ZFHX4: variants seen among roughly 807,000 people sequenced by gnomAD.
The protein encoded by ZFHX4 is zinc finger homeobox 4, also known as zinc finger homeobox protein 4.
Under a neutral mutation model 267.6 loss-of-function variants are expected in ZFHX4, and 56 were observed. The ratio of observed to expected loss-of-function variants is 0.21; its 90% CI spans 0.17 to 0.26. The LOEUF (loss-of-function observed/expected upper bound fraction) is 0.26, where lower values mean the gene tolerates loss of function less well. Ranked by LOEUF, ZFHX4 falls within the 10% of genes least tolerant of loss-of-function variation. ZFHX4 has a pLI of 1.00. For missense variants in ZFHX4, 4,332 were observed against 4,420.0 expected (o/e 0.98, Z 0.56); for synonymous variants, 1,778 against 1,665.6 (o/e 1.07, Z -1.64).
chr8:76,800,908 G>A (rs969771612), intron 4 of ZFHX4, among the ~76,000 whole-genome samples: 2 of 152,118 alleles, frequency 1.3e-5, no homozygotes, highest in African/African-American at 4.8e-5. Flanking sequence ...TCGGCCTCTC[G>A]AGCCTTCTAA....
intron 4 of ZFHX4, among the ~76,000 whole-genome samples, chr8:76,799,912 C>T (rs1284477796): frequency 3.3e-5 from 5 of 152,122 alleles, no homozygotes; most frequent in African/African-American, 4.8e-5. Context: ...CTGCAAAAAA[C>T]GAAATTCCGA....
chr8:76,713,876 A>G (rs1431362094), intron 3 of ZFHX4, among the ~76,000 whole-genome samples: 1 of 151,506 alleles, frequency 6.6e-6, no homozygotes, highest in Non-Finnish European at 1.5e-5. Flanking sequence ...AGCTTTCTTC[A>G]TTTACTCCTG....
intron 4 of ZFHX4, among the ~76,000 whole-genome samples, chr8:76,800,094 C>T (rs2131824616): frequency 6.6e-6 from 1 of 151,752 alleles, no homozygotes; most frequent in Non-Finnish European, 1.5e-5. Context: ...TGGGGAGGGT[C>T]CTAGCAGGAG....
chr8:76,700,031 CA>C (rs1808061834), intron 1 of ZFHX4, among the ~76,000 whole-genome samples: 1 of 151,944 alleles, frequency 6.6e-6, no homozygotes, highest in Non-Finnish European at 1.5e-5. Flanking sequence ...CTCACTATGA[CA>C]TATTGATAGA....
intron 6 of ZFHX4, among the ~76,000 whole-genome samples, chr8:76,846,793 A>G (rs186667923): frequency 1.3e-5 from 2 of 152,238 alleles, no homozygotes; most frequent in Admixed American, 6.5e-5. Flanking sequence ...GTCCATAGCT[A>G]TACATTTAAT....
chr8:76,693,818 G>T (rs978798496), intron 1 of ZFHX4, among the ~76,000 whole-genome samples: 1 of 152,154 alleles, frequency 6.6e-6, no homozygotes, highest in South Asian at 2.1e-4. Context: ...ATTATGGCTT[G>T]CCAGAAGTTG....
intron 3 of ZFHX4, among the ~76,000 whole-genome samples, chr8:76,771,491 T>G (rs889791344): frequency 6.6e-6 from 1 of 152,140 alleles, no homozygotes; most frequent in Non-Finnish European, 1.5e-5. Flanking sequence ...CAGGCTAGAG[T>G]GCAGTGGCAT....
chr8:76,848,569 C>A (rs951464776), intron 6 of ZFHX4, among the ~76,000 whole-genome samples: 2 of 152,040 alleles, frequency 1.3e-5, no homozygotes, highest in Non-Finnish European at 2.9e-5. Context: ...AACCAGTCAG[C>A]CCTTCTCAGA....
Position 76,865,156 on chromosome 8 carries a change from G to A in ZFHX4, c.*591G>A, listed in dbSNP as rs1487900460. 1.3e-5 allele frequency: 2 copies of A among 152,680 alleles called. No individual in the cohort carries two copies. The highest frequency in any genetic ancestry group is 2.4e-5 in the African/African-American group (1 of 41,428). 9.5% of individuals were successfully genotyped at this position (152,680 alleles called of 1,614,324 possible). A position where few individuals can be genotyped will look rare whatever the true frequency, so the allele number is the denominator to read the frequency against. On this transcript the variant is annotated 3_prime_UTR_variant, in exon 11 of 11. Transcript: ENST00000651372. ...CACAGATCCTTGAGCTCACGCTGCA[G>A]GATAGTACAGTTTTACCGCAGAGGG...
At chr8:76,822,867 T>G (rs1450460211) in intron 4 of ZFHX4, among the ~76,000 whole-genome samples, 1 of 152,186 alleles carries the variant, frequency 6.6e-6, no homozygotes, top group African/African-American at 2.4e-5. Flanking sequence ...AAGTGTCATT[T>G]ACTCACAAGT....
At chr8:76,681,844 T>G (rs1585841679) in intron 1 of ZFHX4, among the ~76,000 whole-genome samples, 1 of 152,218 alleles carries the variant, frequency 6.6e-6, no homozygotes, top group East Asian at 1.9e-4. Context: ...TTCTATCTCT[T>G]TCCCCTTTTT....
At chr8:76,683,570 T>C (rs1310330195) in intron 1 of ZFHX4, among the ~76,000 whole-genome samples, 1 of 151,020 alleles carries the variant, frequency 6.6e-6, no homozygotes, top group Non-Finnish European at 1.5e-5. Flanking sequence ...TTTTATTAAC[T>C]CTGTTCCATG....
At chr8:76,840,280 C>T (rs1053922425) in intron 5 of ZFHX4, among the ~76,000 whole-genome samples, 3 of 152,226 alleles carry the variant, frequency 2.0e-5, no homozygotes, top group Admixed American at 2.0e-4. Context: ...AGGAGCCAGG[C>T]AGTTATGGCC....
chr8:76,760,447 A>G (rs1317392823), intron 3 of ZFHX4, among the ~76,000 whole-genome samples: 1 of 152,192 alleles, frequency 6.6e-6, no homozygotes, highest in Non-Finnish European at 1.5e-5. Flanking sequence ...ATGGAGGTAC[A>G]GTTTGAGAGT....
At chr8:76,805,416 A>T (rs1471705) in intron 4 of ZFHX4, among the ~76,000 whole-genome samples, 1,860 of 152,266 alleles carry the variant, frequency 0.012, 14 homozygotes, top group South Asian at 0.028. Flanking sequence ...TGCACTAAAG[A>T]TATATAGCTA....
intron 1 of ZFHX4, among the ~76,000 whole-genome samples, chr8:76,694,130 C>T (rs1386100101): frequency 6.6e-6 from 1 of 152,158 alleles, no homozygotes; most frequent in Non-Finnish European, 1.5e-5. Flanking sequence ...CAAGTATCTA[C>T]TCTGTAAACT....
chr8:76,780,410 C>T (rs949919807), intron 4 of ZFHX4, among the ~76,000 whole-genome samples: 1 of 152,110 alleles, frequency 6.6e-6, no homozygotes, highest in African/African-American at 2.4e-5. Context: ...AAGATGTGAA[C>T]TCATTTGATA....
chr8:76,788,174 C>A (rs1235985425), intron 4 of ZFHX4, among the ~76,000 whole-genome samples: 1 of 152,234 alleles, frequency 6.6e-6, no homozygotes, highest in Non-Finnish European at 1.5e-5. Context: ...AGTTAGGAAA[C>A]CTTACTTCTT....
intron 4 of ZFHX4, among the ~76,000 whole-genome samples, chr8:76,823,289 G>GA (rs957647184): frequency 3.3e-5 from 5 of 151,968 alleles, no homozygotes; most frequent in Admixed American, 1.3e-4. Flanking sequence ...ACAGGCACAG[G>GA]AAAAAATAAA....
Sources: allele counts gnomAD v4.1 joint callset (sites outside exome capture counted in the v4.1 genomes callset), GRCh38; gene constraint gnomAD v4.1.1; transcripts MANE v1.5; gene names NCBI Gene and HGNC (gene_info 2026-07-23, HGNC 2026-07-21).